GLIS1: variants seen among roughly 807,000 people sequenced by gnomAD.
The protein encoded by GLIS1 is GLIS family zinc finger 1, also known as zinc finger protein GLIS1.
In GLIS1, 24 loss-of-function variants were observed where a neutral mutation model predicts 63.8. The ratio of observed to expected loss-of-function variants is 0.38; its 90% CI spans 0.27 to 0.53. The LOEUF (loss-of-function observed/expected upper bound fraction) is 0.53. Among genes scored for constraint, GLIS1 ranks in the 20% least tolerant of loss-of-function variants. The probability of loss-of-function intolerance (pLI) is 0.85; values close to 1 mark genes in which losing one functional copy is unlikely to be tolerated. For missense variants in GLIS1, 1,036 were observed against 1,074.1 expected, an observed-to-expected ratio of 0.96 and a Z score of 0.50; for synonymous variants, 450 against 482.5, an observed-to-expected ratio of 0.93 and a Z score of 0.88.
intron 2 of GLIS1, among the ~76,000 whole-genome samples, chr1:53,613,805 C>CCA (rs1363712235): frequency 2.0e-5 from 3 of 152,138 alleles, no homozygotes; most frequent in Non-Finnish European, 4.4e-5. Context: ...ATCCATTCCC[C>CCA]CACAGCTCCA....
At chr1:53,547,268 C>G (rs1483119921) in intron 4 of GLIS1, among the ~76,000 whole-genome samples, 3 of 152,256 alleles carry the variant, frequency 2.0e-5, no homozygotes, top group Non-Finnish European at 4.4e-5. Flanking sequence ...GACACAGAGA[C>G]AGAGAGCCAG....
chr1:53,691,558 G>A (rs1646405612), intron 2 of GLIS1, among the ~76,000 whole-genome samples: 1 of 152,026 alleles, frequency 6.6e-6, no homozygotes. Context: ...CCACGTCCAT[G>A]AGCTCCTCCA....
chr1:53,556,452 ATGCAGGTGTACTGCAGGTGTGTGCG>A (rs1644828814), intron 4 of GLIS1, among the ~76,000 whole-genome samples: 1 of 65,604 alleles, frequency 1.5e-5, no homozygotes, highest in Admixed American at 1.7e-4. Flanking sequence ...AGGTGTGTGT[ATGCAGGTGTACTGCAGGTGTGTGCG>A]TGCAGGTGTA....
intron 2 of GLIS1, among the ~76,000 whole-genome samples, chr1:53,645,977 C>T (rs1038337848): frequency 2.6e-5 from 4 of 152,126 alleles, no homozygotes; most frequent in Non-Finnish European, 5.9e-5. Flanking sequence ...ACAAGGGGGG[C>T]AGGGGCCATA....
At chr1:53,706,822 G>A (rs1028869914) in intron 2 of GLIS1, among the ~76,000 whole-genome samples, 1 of 152,208 alleles carries the variant, frequency 6.6e-6, no homozygotes, top group Non-Finnish European at 1.5e-5. Context: ...AGAGTTTCAT[G>A]AGCAGGAACT....
intron 2 of GLIS1, among the ~76,000 whole-genome samples, chr1:53,629,343 C>A (rs968998188): frequency 3.9e-5 from 6 of 152,198 alleles, no homozygotes; most frequent in African/African-American, 1.4e-4. Flanking sequence ...CATGAGCCAG[C>A]CCACATGGCA....
rs976359171 is a variant in GLIS1, at chr1:53,649,675, G to A, written c.260-49397C>T. Reference sequence around the variant, plus strand: ...GTCTCCGGTTGTGGTTGTCATTTCAGACGGTTCATCTTGCAAACAGATGAT... The same window carrying A: ...GTCTCCGGTTGTGGTTGTCATTTCAAACGGTTCATCTTGCAAACAGATGAT... On this transcript the variant is annotated intron_variant, in intron 2 of 10. Transcript: ENST00000628545. 1.1e-4 allele frequency among the ~76,000 whole-genome samples: 16 copies of A among 152,178 alleles called. No individual in the cohort carries two copies. In the East Asian group the frequency reaches 3.1e-3, roughly 29 times the overall value.
chr1:53,527,797 T>G (rs1486865576), intron 5 of GLIS1, among the ~76,000 whole-genome samples: 2 of 151,750 alleles, frequency 1.3e-5, no homozygotes, highest in Non-Finnish European at 2.9e-5. Flanking sequence ...GTGCTGGGCT[T>G]GGCGGCTGCA....
At chr1:53,722,866 T>C (rs1570104682) in intron 2 of GLIS1, among the ~76,000 whole-genome samples, 1 of 144,872 alleles carries the variant, frequency 6.9e-6, no homozygotes, top group Non-Finnish European at 1.5e-5. Flanking sequence ...GGTGCAGTGG[T>C]TCACACCTGT....
At chr1:53,510,322 C>T (rs577253158) in intron 8 of GLIS1, among the ~76,000 whole-genome samples, 1 of 152,316 alleles carries the variant, frequency 6.6e-6, no homozygotes, top group South Asian at 2.1e-4. Context: ...CTCCGTTGGC[C>T]AACTATTTTG....
intron 4 of GLIS1, among the ~76,000 whole-genome samples, chr1:53,585,922 T>C (rs1419745382): frequency 6.6e-6 from 1 of 152,202 alleles, no homozygotes; most frequent in Admixed American, 6.5e-5. Context: ...ATTTTACAGA[T>C]GCAAAAACAG....
intron 4 of GLIS1, among the ~76,000 whole-genome samples, chr1:53,546,734 C>T (rs1278765660): frequency 1.3e-5 from 2 of 152,214 alleles, no homozygotes; most frequent in Admixed American, 1.3e-4. Flanking sequence ...CATTCTCTTT[C>T]CAGAATGTTC....
In GLIS1 at chr1:53,520,768, T is replaced by C. The variant is rs140201702; in HGVS notation, c.1594-2A>G. On this transcript the variant is annotated splice_acceptor_variant, in intron 6 of 10. Transcript: ENST00000628545. LOFTEE classifies it high-confidence loss of function. ...CTCGGTGTCAGGGCCCGCATGCAGC[T>C]GGGGAGCAAGCAGAGGGAAAGGAGG... 132 of 1,601,950 alleles carry C rather than the reference T, an allele frequency of 8.2e-5. No homozygotes were observed. The highest frequency in any genetic ancestry group is 1.7e-4 in the Middle Eastern group (1 of 6,048).
At chr1:53,525,953 G>A (rs1039070781) in intron 5 of GLIS1, among the ~76,000 whole-genome samples, 4 of 152,166 alleles carry the variant, frequency 2.6e-5, no homozygotes, top group Non-Finnish European at 5.9e-5. Flanking sequence ...AGGTCTGAGT[G>A]ACCCAGGGCA....
intron 4 of GLIS1, among the ~76,000 whole-genome samples, chr1:53,550,428 C>A (rs555318527): frequency 6.6e-6 from 1 of 152,220 alleles, no homozygotes; most frequent in African/African-American, 2.4e-5. Context: ...CATGACAGTG[C>A]GTAGAGCGAA....
chr1:53,603,792 C>T (rs1645342840), intron 2 of GLIS1, among the ~76,000 whole-genome samples: 1 of 152,248 alleles, frequency 6.6e-6, no homozygotes, highest in Non-Finnish European at 1.5e-5. Flanking sequence ...AAATGAAGCT[C>T]CTTTGGAGAC....
At chr1:53,700,366 T>C (rs924479882) in intron 2 of GLIS1, among the ~76,000 whole-genome samples, 1 of 152,086 alleles carries the variant, frequency 6.6e-6, no homozygotes, top group Admixed American at 6.5e-5. Context: ...AATGGGAGGG[T>C]ACGCGGCTCC....
chr1:53,684,433 G>T (rs1646308960), intron 2 of GLIS1, among the ~76,000 whole-genome samples: 1 of 152,174 alleles, frequency 6.6e-6, no homozygotes, highest in Admixed American at 6.5e-5. Flanking sequence ...GTCAGGACCA[G>T]CCTGGGGCCC....
chr1:53,609,316 C>T (rs1341484674), intron 2 of GLIS1, among the ~76,000 whole-genome samples: 1 of 129,158 alleles, frequency 7.7e-6, no homozygotes, highest in East Asian at 2.3e-4. Flanking sequence ...CTCTGTCGCC[C>T]AGGCTGGAGT....
Sources: allele counts gnomAD v4.1 joint callset (sites outside exome capture counted in the v4.1 genomes callset), GRCh38; gene constraint gnomAD v4.1.1; transcripts MANE v1.5; gene names NCBI Gene and HGNC (gene_info 2026-07-23, HGNC 2026-07-21).